LYSMD2: variants seen among roughly 807,000 people sequenced by gnomAD.
The protein encoded by LYSMD2 is lysM and putative peptidoglycan-binding domain-containing protein 2.
LYSMD2 carries 6 observed loss-of-function variants against 17.7 expected under a neutral mutation model. The observed-to-expected ratio is 0.34, with a 90% CI of 0.19 to 0.67. The LOEUF (loss-of-function observed/expected upper bound fraction) is 0.67. Among genes scored for constraint, LYSMD2 ranks in the 30% least tolerant of loss-of-function variants. The pLI is 0.69. For synonymous variants in LYSMD2, 102 were observed against 129.8 expected (o/e 0.79, Z 1.45); for missense variants, 237 against 286.7 (o/e 0.83, Z 1.25).
chr15:51,726,160 G>A (rs1010236980), intron 1 of LYSMD2, among the ~76,000 whole-genome samples: 1 of 152,184 alleles, frequency 6.6e-6, no homozygotes, highest in African/African-American at 2.4e-5. Context: ...TTAAAGGAAT[G>A]AGATTTTTAA....
upstream of LYSMD2, among the ~76,000 whole-genome samples, chr15:51,739,568 A>G (rs75229199): frequency 2.5e-4 from 38 of 152,334 alleles, no homozygotes; most frequent in East Asian, 2.7e-3. Context: ...AGAGTTTACA[A>G]TCTAGGAATG....
upstream of LYSMD2, chr15:51,737,704 C>A: frequency 1.9e-6 from 2 of 1,032,994 alleles, no homozygotes; most frequent in Non-Finnish European, 2.4e-6. The surrounding 1 kb of genome is among the most constrained non-coding windows in gnomAD (Gnocchi z 4.2). Flanking sequence ...GCCGCCTCTT[C>A]CTCTTCACAG....
At chr15:51,728,161 G>A (rs1326034565) in intron 1 of LYSMD2, among the ~76,000 whole-genome samples, 1 of 152,138 alleles carries the variant, frequency 6.6e-6, no homozygotes, top group East Asian at 1.9e-4. Flanking sequence ...TGGGCGCAGT[G>A]GCTCATGCCT....
intron 1 of LYSMD2, among the ~76,000 whole-genome samples, chr15:51,725,330 A>G (rs2055531902): frequency 6.6e-6 from 1 of 152,266 alleles, no homozygotes; most frequent in African/African-American, 2.4e-5. Context: ...ATTTTTAAAA[A>G]GGACAGACTA....
At chr15:51,743,926 A>G (rs144710580) in intron 1 of LYSMD2, among the ~76,000 whole-genome samples, 3 of 152,320 alleles carry the variant, frequency 2.0e-5, no homozygotes, top group Admixed American at 6.5e-5. Context: ...AATTCCAATT[A>G]CAGGAAAGCA....
intron 1 of LYSMD2, among the ~76,000 whole-genome samples, chr15:51,749,558 C>T (rs1162223903): frequency 6.6e-6 from 1 of 152,204 alleles, no homozygotes; most frequent in Non-Finnish European, 1.5e-5. Context: ...CACATGCAGC[C>T]ATTTTCCTCG....
At chr15:51,749,680 T>C (rs1015451493) in intron 1 of LYSMD2, among the ~76,000 whole-genome samples, 2 of 152,222 alleles carry the variant, frequency 1.3e-5, no homozygotes. Flanking sequence ...ATGCCTACTA[T>C]CAGCTTTCTC....
At position 51,724,805 on chromosome 15, in the gene LYSMD2, A is replaced by G. The variant is rs149581182; in HGVS notation, c.590T>C (p.Leu197Pro). ...GTATTCTTACCTGCTCTCTTCTTTT[A>G]GCTTCTTGGCTGCCTGTGTTGATAA... The part of the protein sequence containing the change: ...IKLSTQAAKK[L>P]KEESRDEESP... Residue 197 changes from leucine to proline, a missense_variant, in exon 2 of 3, where the codon CTA becomes CCA. Transcript: ENST00000267838. 1.6e-4 allele frequency: 253 copies of G among 1,612,820 alleles called. No homozygotes were observed. The African/African-American group carries it at 2.9e-3, about 18-fold the overall frequency.
intron 1 of LYSMD2, among the ~76,000 whole-genome samples, chr15:51,735,173 CAA>C (rs11316003): frequency 7.2e-4 from 95 of 132,114 alleles, no homozygotes; most frequent in African/African-American, 2.3e-3. Context: ...GACCCTGTCT[CAA>C]AAAAAAAAAA....
intron 1 of LYSMD2, among the ~76,000 whole-genome samples, chr15:51,728,664 G>C (rs1426342059): frequency 6.6e-6 from 1 of 151,950 alleles, no homozygotes; most frequent in African/African-American, 2.4e-5. Context: ...GAGGTCAGGA[G>C]TTCAAGACCA....
Position 51,737,323 on chromosome 15 carries a change from C to A in LYSMD2, c.273+27G>T. On this transcript the variant is annotated intron_variant, in intron 1 of 2. Transcript: ENST00000267838. This position sits in a 1 kb window ranked among gnomAD's most constrained non-coding sequence, Gnocchi z 4.2. The stretch of plus-strand genomic sequence containing the variant: ...GCCTCCTGCGCGGTAGCTGCCAGCC[C>A]GGGCCGCGGCGGCGCGCCCTGCTCA... The A allele has an allele frequency of 7.6e-7, 1 of 1,320,860 alleles. No homozygotes were observed. Among genetic ancestry groups the A allele is most frequent in the South Asian group, 2.0e-5 (1 of 49,714 alleles). The allele number at this position is 1,320,860 out of a possible 1,614,324, so 81.8% of individuals were successfully genotyped here. A position where few individuals can be genotyped will look rare whatever the true frequency, so the allele number is the denominator to read the frequency against.
intron 1 of LYSMD2, among the ~76,000 whole-genome samples, chr15:51,726,415 A>G (rs1268474580): frequency 6.6e-6 from 1 of 152,154 alleles, no homozygotes; most frequent in Non-Finnish European, 1.5e-5. Flanking sequence ...TATCTCTCTT[A>G]GTGCATAGGC....
At chr15:51,735,737 G>A (rs998964079) in intron 1 of LYSMD2, among the ~76,000 whole-genome samples, 1 of 152,256 alleles carries the variant, frequency 6.6e-6, no homozygotes, top group Non-Finnish European at 1.5e-5. Flanking sequence ...GTGGAAAACT[G>A]CAGTAAACAG....
chr15:51,736,299 T>C (rs761329393), intron 1 of LYSMD2, among the ~76,000 whole-genome samples: 2 of 152,228 alleles, frequency 1.3e-5, no homozygotes, highest in African/African-American at 2.4e-5. Context: ...TGTAGCTCTA[T>C]GTTCACATGT....
intron 1 of LYSMD2, among the ~76,000 whole-genome samples, chr15:51,750,517 T>C (rs973822239): frequency 6.6e-6 from 1 of 152,238 alleles, no homozygotes; most frequent in East Asian, 1.9e-4. Flanking sequence ...CCCACCATCA[T>C]GTGAAACACT....
chr15:51,748,261 C>CAAAAAAAAAAAAAAAAAAA (rs10556304), intron 1 of LYSMD2, among the ~76,000 whole-genome samples: 7 of 60,228 alleles, frequency 1.2e-4, no homozygotes, highest in Non-Finnish European at 1.9e-4. Context: ...GACTCCGTCT[C>CAAAAAAAAAAAAAAAAAAA]AAAAAAAAAA....
chr15:51,745,655 C>CCACACA (rs3078131), intron 1 of LYSMD2, among the ~76,000 whole-genome samples: 1 of 150,890 alleles, frequency 6.6e-6, no homozygotes, highest in East Asian at 1.9e-4. Context: ...AAAACACACA[C>CCACACA]CACACACACA....
At position 51,737,539 on chromosome 15, in the gene LYSMD2, GCGCGGCGGCGGCGAGGGGGCCGAGGGC is replaced by G; in HGVS notation, c.57_83del (p.Pro20_Arg28del). On this transcript the variant is annotated inframe_deletion, in exon 1 of 3. Coordinates refer to ENST00000267838, the MANE Select transcript of LYSMD2 (RefSeq NM_153374.3). This position sits in a 1 kb window ranked among gnomAD's most constrained non-coding sequence, Gnocchi z 4.2. ...CCTCGGACTCGGAGCCGGAGCGCGA[GCGCGGCGGCGGCGAGGGGGCCGAGGGC>G]CGCGGCGCGCGGGGGCCGCCTTCCC... 1 of 1,235,178 alleles carries G rather than the reference GCGCGGCGGCGGCGAGGGGGCCGAGGGC, an allele frequency of 8.1e-7. No homozygotes were observed. Among genetic ancestry groups the G allele is most frequent in the Non-Finnish European group, 1.0e-6 (1 of 992,336 alleles). The allele number at this position is 1,235,178 out of a possible 1,614,324, so 76.5% of individuals were successfully genotyped here.
At chr15:51,742,230 G>A (rs1276124104), upstream of LYSMD2, among the ~76,000 whole-genome samples, 1 of 152,020 alleles carries the variant, frequency 6.6e-6, no homozygotes, top group Non-Finnish European at 1.5e-5. Flanking sequence ...AGTAGAGATG[G>A]GGTTTCGCCA....
Sources: gnomAD v4.1 joint callset for allele counts (sites outside exome capture counted in the v4.1 genomes callset) on GRCh38, gnomAD v4.1.1 for gene constraint, Gnocchi (gnomAD v3.1) non-coding constraint, MANE v1.5 for transcripts, NCBI Gene and HGNC (gene_info 2026-07-23, HGNC 2026-07-21) for gene names.